The following ESR1 variants were observed in gnomAD, a reference collection of about 807,000 sequenced individuals.
ESR1 encodes the protein estrogen receptor 1, also known as estrogen receptor.
ESR1 carries 12 observed loss-of-function variants against 52.7 expected under a neutral mutation model. That is an observed-to-expected ratio of 0.23 (90% CI 0.15 to 0.37). The LOEUF (loss-of-function observed/expected upper bound fraction) is 0.37, where lower values mean the gene tolerates loss of function less well. Among genes scored for constraint, ESR1 ranks in the 10% least tolerant of loss-of-function variants. The probability of loss-of-function intolerance (pLI) is 1.00; values close to 1 mark genes in which losing one functional copy is unlikely to be tolerated. For missense variants in ESR1, 584 were observed against 779.7 expected (o/e 0.75, Z 2.99); for synonymous variants, 305 against 316.8 (o/e 0.96, Z 0.39).
chr6:151,672,975 C>T (rs1778125376), intron 1 of ESR1, among the ~76,000 whole-genome samples: 1 of 151,494 alleles, frequency 6.6e-6, no homozygotes, highest in Non-Finnish European at 1.5e-5. Flanking sequence ...ACTACAGGCC[C>T]CCGCCACCAC....
intron 5 of ESR1, among the ~76,000 whole-genome samples, chr6:152,049,825 C>T (rs974051292): frequency 6.6e-6 from 1 of 152,142 alleles, no homozygotes; most frequent in African/African-American, 2.4e-5. Context: ...GACCTGGTAA[C>T]GTGTCACAGC....
upstream of ESR1, among the ~76,000 whole-genome samples, chr6:151,801,051 G>GGTGTGT (rs3062689): frequency 0.098 from 14,470 of 147,592 alleles, 954 homozygotes; most frequent in African/African-American, 0.18. Flanking sequence ...TTGATTATGT[G>GGTGTGT]GTGTGTGTGT....
intron 5 of ESR1, among the ~76,000 whole-genome samples, chr6:152,056,005 G>A (rs946500516): frequency 6.6e-6 from 1 of 152,164 alleles, no homozygotes; most frequent in Non-Finnish European, 1.5e-5. Flanking sequence ...CAGACACACA[G>A]AGTTTAAGTA....
At chr6:151,789,955 T>C (rs2128130650) in intron 2 of ESR1, among the ~76,000 whole-genome samples, 1 of 152,296 alleles carries the variant, frequency 6.6e-6, no homozygotes, top group South Asian at 2.1e-4. Context: ...GCGTGAGTTG[T>C]TGTTGTGTTT....
At chr6:152,124,223 T>G (rs939140412) in intron 6 of ESR1, among the ~76,000 whole-genome samples, 15 of 152,118 alleles carry the variant, frequency 9.9e-5, no homozygotes, top group Non-Finnish European at 2.1e-4. Context: ...GGAGAATCGC[T>G]TGAACCCGGG....
rs182180170 is a variant in ESR1 at position 151,921,242 on chromosome 6, T to C, written c.761-22931T>C. 3.3e-3 allele frequency among the ~76,000 whole-genome samples: 501 copies of C among 152,298 alleles called. 2 individuals carry two copies. The highest frequency in any genetic ancestry group is 0.012 in the African/African-American group (479 of 41,558). On this transcript the variant is annotated intron_variant, in intron 3 of 7. Coordinates refer to ENST00000206249, the MANE Select transcript of ESR1 (RefSeq NM_000125.4). ...GGATAATGGCTTCCAGCTCCATCCA[T>C]GTCTCTGCAAAGGATTTGATATCCT...
chr6:151,944,835 T>C (rs2035514028), intron 4 of ESR1, among the ~76,000 whole-genome samples: 1 of 152,212 alleles, frequency 6.6e-6, no homozygotes, highest in Non-Finnish European at 1.5e-5. Context: ...GCAGAAACTT[T>C]TAACACTAAA....
chr6:152,036,625 G>C (rs2045328413), intron 5 of ESR1, among the ~76,000 whole-genome samples: 1 of 152,154 alleles, frequency 6.6e-6, no homozygotes, highest in East Asian at 1.9e-4. Flanking sequence ...GAAAATACTT[G>C]TGGAGGGCCC....
chr6:151,793,313 A>G (rs6935443), intron 2 of ESR1, among the ~76,000 whole-genome samples: 53,321 of 151,890 alleles, frequency 0.35, 11,987 homozygotes, highest in African/African-American at 0.63. Context: ...GTCCTCAGGG[A>G]CAGTAACACC....
At chr6:152,007,914 A>G (rs1366962714) in intron 4 of ESR1, among the ~76,000 whole-genome samples, 1 of 152,150 alleles carries the variant, frequency 6.6e-6, no homozygotes, top group African/African-American at 2.4e-5. Flanking sequence ...GAATGCCTCT[A>G]AATTATTATA....
chr6:151,868,958 T>G (rs78713743), intron 2 of ESR1, among the ~76,000 whole-genome samples: 3,780 of 152,260 alleles, frequency 0.025, 160 homozygotes, highest in African/African-American at 0.086. Context: ...GACATGCATA[T>G]TCCACCCCCA....
intron 2 of ESR1, among the ~76,000 whole-genome samples, chr6:151,794,237 G>A (rs1776476543): frequency 6.6e-6 from 1 of 152,070 alleles, no homozygotes; most frequent in Non-Finnish European, 1.5e-5. Flanking sequence ...CACAATCATT[G>A]TTTTCCTCTT....
chr6:152,042,546 A>C (rs1202279193), intron 5 of ESR1, among the ~76,000 whole-genome samples: 1 of 152,124 alleles, frequency 6.6e-6, no homozygotes, highest in Non-Finnish European at 1.5e-5. Flanking sequence ...TCACTGCATA[A>C]ATTGTCAGCA....
intron 1 of ESR1, among the ~76,000 whole-genome samples, chr6:151,827,654 C>G (rs1350600785): frequency 6.6e-6 from 1 of 152,154 alleles, no homozygotes. Flanking sequence ...AAAAGTCCAA[C>G]TATAATACCA....
At chr6:152,052,410 G>A (rs1000075189) in intron 5 of ESR1, among the ~76,000 whole-genome samples, 4 of 152,132 alleles carry the variant, frequency 2.6e-5, no homozygotes, top group Admixed American at 6.5e-5. Context: ...AAGTATAGGC[G>A]ACAGGACAAA....
chr6:152,122,358 CTTG>C, intron 6 of ESR1: 3 of 1,611,444 alleles, frequency 1.9e-6, no homozygotes, highest in South Asian at 2.2e-5. Flanking sequence ...TCAAGGTCCT[CTTG>C]TTGGTAGTTT....
intron 5 of ESR1, 143 bp from the exon 6 acceptor site, chr6:152,060,848 C>T: frequency 3.0e-6 from 2 of 666,474 alleles, no homozygotes; most frequent in Non-Finnish European, 5.1e-6. Flanking sequence ...GTTCATATTC[C>T]ATGAAGACAA....
At chr6:151,739,251 C>T (rs1269034255) in intron 2 of ESR1, among the ~76,000 whole-genome samples, 3 of 152,116 alleles carry the variant, frequency 2.0e-5, no homozygotes, top group Non-Finnish European at 4.4e-5. Flanking sequence ...AAGGACCAAA[C>T]GAGCTAAGGC....
At chr6:151,788,016 T>C (rs370306842) in intron 2 of ESR1, among the ~76,000 whole-genome samples, 2 of 152,172 alleles carry the variant, frequency 1.3e-5, no homozygotes, top group East Asian at 1.9e-4. Flanking sequence ...CCTGGAAGAC[T>C]ACTGAGGCAA....
Sources: gnomAD v4.1 joint callset for allele counts (sites outside exome capture counted in the v4.1 genomes callset) on GRCh38, gnomAD v4.1.1 for gene constraint, MANE v1.5 for transcripts, NCBI Gene and HGNC (gene_info 2026-07-23, HGNC 2026-07-21) for gene names.